Variants in GPHN observed in about 807,000 individuals in gnomAD.
The protein encoded by GPHN is gephyrin.
In GPHN, 17 loss-of-function variants were observed where a neutral mutation model predicts 95.5. That is an observed-to-expected ratio of 0.18 (90% CI 0.12 to 0.27). GPHN has a LOEUF of 0.27. Among genes scored for constraint, GPHN ranks in the 10% least tolerant of loss-of-function variants. The pLI is 1.00. For missense variants in GPHN, 660 were observed against 978.1 expected, an observed-to-expected ratio of 0.67 and a Z score of 4.34; for synonymous variants, 320 against 322.5, an observed-to-expected ratio of 0.99 and a Z score of 0.08.
At chr14:67,302,716 T>G in the GPHN span, 2 of 582,204 alleles carry the variant, frequency 3.4e-6, no homozygotes, top group Non-Finnish European at 5.2e-6. Context: ...TCCACAGTAT[T>G]TGTTAGCAGT....
At chr14:67,075,119 G>A (rs2076447213) in intron 11 of GPHN, among the ~76,000 whole-genome samples, 1 of 152,190 alleles carries the variant, frequency 6.6e-6, no homozygotes, top group Non-Finnish European at 1.5e-5. Context: ...AGGACAGGCT[G>A]ATTCTCCTGA....
chr14:67,391,067 G>A, the GPHN span, among the ~76,000 whole-genome samples: 1 of 152,068 alleles, frequency 6.6e-6, no homozygotes, highest in African/African-American at 2.4e-5. Flanking sequence ...GTGTCAGCTG[G>A]GCTGGGAGCA....
chr14:66,686,852 G>A (rs2067396700), intron 2 of GPHN, among the ~76,000 whole-genome samples: 1 of 152,072 alleles, frequency 6.6e-6, no homozygotes, highest in Admixed American at 6.5e-5. Context: ...AATGCTTCCA[G>A]TTTTTGCCCA....
intron 2 of GPHN, among the ~76,000 whole-genome samples, chr14:66,705,085 G>A (rs1453631284): frequency 4.6e-5 from 7 of 152,200 alleles, no homozygotes; most frequent in Non-Finnish European, 1.0e-4. Flanking sequence ...TAAATTCCTG[G>A]ACATGTACAC....
chr14:67,620,518 G>T, the GPHN span, among the ~76,000 whole-genome samples: 1 of 152,198 alleles, frequency 6.6e-6, no homozygotes, highest in Non-Finnish European at 1.5e-5. Context: ...CATTCACTCA[G>T]AATGAGCATT....
chr14:66,737,842 A>G (rs1281215136), intron 2 of GPHN, among the ~76,000 whole-genome samples: 1 of 152,232 alleles, frequency 6.6e-6, no homozygotes. Flanking sequence ...GTATGCTAGA[A>G]GTGACCTTAA....
rs148825725 is a variant in GPHN at position 67,054,232 on chromosome 14, T to G, written c.1007-4417T>G. On this transcript the variant is annotated intron_variant, in intron 10 of 22. Coordinates refer to ENST00000478722, the MANE Select transcript of GPHN (RefSeq NM_020806.5). ...ACCCCATCATCTCAGCCCCAAAGCT[T>G]CTTAAGCTGATAAGCACCTTCAGCA... is the stretch of plus-strand genomic sequence containing the variant. Among the ~76,000 whole-genome samples the G allele has an allele frequency of 7.1e-3, 1,087 of 152,248 alleles. 5 individuals carry two copies. Among genetic ancestry groups the G allele is most frequent in the African/African-American group, 0.025 (1,038 of 41,556 alleles).
At chr14:67,341,300 G>T in the GPHN span, among the ~76,000 whole-genome samples, 1 of 152,110 alleles carries the variant, frequency 6.6e-6, no homozygotes, top group East Asian at 1.9e-4. Context: ...CTTCTGGGAG[G>T]TGAGGAGCGT....
intron 9 of GPHN, chr14:66,996,319 CT>C (rs2153607269): frequency 1.3e-6 from 1 of 797,928 alleles, no homozygotes; most frequent in Admixed American, 2.0e-5. Flanking sequence ...TTGCCTTGCA[CT>C]TTGCACTTGC....
intron 5 of GPHN, among the ~76,000 whole-genome samples, chr14:66,904,785 C>T (rs1473288413): frequency 6.6e-6 from 1 of 152,062 alleles, no homozygotes; most frequent in Non-Finnish European, 1.5e-5. Flanking sequence ...CAGGGGTCCT[C>T]GGTAGAAGTT....
intron 8 of GPHN, among the ~76,000 whole-genome samples, chr14:66,964,952 C>T (rs2069211923): frequency 6.6e-6 from 1 of 152,134 alleles, no homozygotes; most frequent in Non-Finnish European, 1.5e-5. Flanking sequence ...TTCCTAACCA[C>T]AATACTATAC....
the GPHN span, among the ~76,000 whole-genome samples, chr14:67,344,772 C>G: frequency 6.6e-6 from 1 of 151,726 alleles, no homozygotes; most frequent in Non-Finnish European, 1.5e-5. Context: ...GTCCAAGCTA[C>G]TTGGGAGGCT....
At chr14:67,453,414 G>A in the GPHN span, among the ~76,000 whole-genome samples, 1 of 152,192 alleles carries the variant, frequency 6.6e-6, no homozygotes. Flanking sequence ...GCCTGCCTGG[G>A]GCTCCCTGTC....
In GPHN at chr14:66,560,884, T is replaced by A. The variant is rs184797350; in HGVS notation, c.64+52293T>A. Among the ~76,000 whole-genome samples the A allele has an allele frequency of 3.0e-3, 457 of 152,322 alleles. 2 individuals are homozygous for A. Among genetic ancestry groups the A allele is most frequent in the South Asian group, 0.014 (66 of 4,820 alleles). ...TATGATATCAGCTGTGGGTTTGTCA[T>A]AGATAGCTCTTATTATTTTGAAATA... On this transcript the variant is annotated intron_variant, in intron 1 of 22. Coordinates refer to ENST00000478722, the MANE Select transcript of GPHN (RefSeq NM_020806.5).
At chr14:66,620,424 A>G (rs2063242243) in intron 1 of GPHN, among the ~76,000 whole-genome samples, 1 of 152,192 alleles carries the variant, frequency 6.6e-6, no homozygotes, top group Non-Finnish European at 1.5e-5. Context: ...GAAGGCAAGG[A>G]GGAGCAAGTC....
At chr14:66,845,769 T>C (rs2062297224) in intron 4 of GPHN, among the ~76,000 whole-genome samples, 1 of 152,010 alleles carries the variant, frequency 6.6e-6, no homozygotes, top group African/African-American at 2.4e-5. Flanking sequence ...CCAGAGATTC[T>C]GATTCAGTAG....
chr14:67,579,467 A>T, the GPHN span: 1 of 708,888 alleles, frequency 1.4e-6, no homozygotes, highest in Non-Finnish European at 2.3e-6. Context: ...TGAGATGCTG[A>T]CCAAGAAATA....
chr14:67,054,596 A>C (rs2075461302), intron 10 of GPHN, among the ~76,000 whole-genome samples: 1 of 152,198 alleles, frequency 6.6e-6, no homozygotes, highest in Admixed American at 6.5e-5. Context: ...ATTAGAAAAA[A>C]ACTACTTTAA....
At chr14:67,051,363 G>A (rs1348176548) in intron 10 of GPHN, among the ~76,000 whole-genome samples, 2 of 152,186 alleles carry the variant, frequency 1.3e-5, no homozygotes, top group African/African-American at 4.8e-5. Context: ...GAATTTCGGA[G>A]CTTGAAGACT....
Sources: gnomAD v4.1 joint callset for allele counts (sites outside exome capture counted in the v4.1 genomes callset) on GRCh38, gnomAD v4.1.1 for gene constraint, MANE v1.5 for transcripts, NCBI Gene and HGNC (gene_info 2026-07-23, HGNC 2026-07-21) for gene names.